RAB38: variants seen among roughly 807,000 people sequenced by gnomAD.
RAB38 encodes the protein ras-related protein Rab-38.
Under a neutral mutation model 18.4 loss-of-function variants are expected in RAB38, and 15 were observed. The observed-to-expected ratio is 0.82, with a 90% CI of 0.55 to 1.26. The LOEUF (loss-of-function observed/expected upper bound fraction) is 1.26, where lower values mean the gene tolerates loss of function less well. Among genes scored for constraint, RAB38 ranks in the 50% most tolerant of loss-of-function variants. The pLI is 0.00. For missense variants in RAB38, 294 were observed against 267.4 expected, an observed-to-expected ratio of 1.10 and a Z score of -0.69; for synonymous variants, 101 against 104.4, an observed-to-expected ratio of 0.97 and a Z score of 0.20.
the RAB38 span, among the ~76,000 whole-genome samples, chr11:87,960,984 G>A: frequency 6.6e-6 from 1 of 152,178 alleles, no homozygotes; most frequent in African/African-American, 2.4e-5. Context: ...TTCCTGAACA[G>A]AGAATTCACA....
chr11:88,134,762 G>T (rs1482097940), intron 2 of RAB38, among the ~76,000 whole-genome samples: 1 of 152,046 alleles, frequency 6.6e-6, no homozygotes, highest in African/African-American at 2.4e-5. Flanking sequence ...TATAATTCAG[G>T]TTCAACAAAA....
chr11:88,041,446 A>G, the RAB38 span, among the ~76,000 whole-genome samples: 1 of 152,258 alleles, frequency 6.6e-6, no homozygotes, highest in East Asian at 1.9e-4. Context: ...TATATCAATT[A>G]CAATAAGTTT....
chr11:88,130,513 G>A (rs1942753668), intron 2 of RAB38, among the ~76,000 whole-genome samples: 1 of 152,226 alleles, frequency 6.6e-6, no homozygotes, highest in Non-Finnish European at 1.5e-5. Flanking sequence ...CACAGAGAAT[G>A]GAGATATAAA....
At chr11:88,074,408 G>C in the RAB38 span, among the ~76,000 whole-genome samples, 1 of 152,136 alleles carries the variant, frequency 6.6e-6, no homozygotes, top group Non-Finnish European at 1.5e-5. Context: ...GGGAAATGGA[G>C]TTACAGAGTT....
At chr11:88,112,590 C>A (rs1436645510), downstream of RAB38, among the ~76,000 whole-genome samples, 1 of 152,088 alleles carries the variant, frequency 6.6e-6, no homozygotes, top group Non-Finnish European at 1.5e-5. Flanking sequence ...ATAGCAGGAT[C>A]CTGATAAACC....
chr11:87,915,176 G>A, the RAB38 span, among the ~76,000 whole-genome samples: 1 of 152,136 alleles, frequency 6.6e-6, no homozygotes, highest in Non-Finnish European at 1.5e-5. Context: ...TATGACAGCA[G>A]GCATGTGAGC....
chr11:87,907,111 T>C, the RAB38 span, among the ~76,000 whole-genome samples: 1 of 152,040 alleles, frequency 6.6e-6, no homozygotes, highest in African/African-American at 2.4e-5. Context: ...TAGTTATGTA[T>C]GGTATGACAT....
the RAB38 span, among the ~76,000 whole-genome samples, chr11:87,976,547 T>C: frequency 1.0e-4 from 13 of 127,040 alleles, no homozygotes; most frequent in African/African-American, 3.5e-4. Flanking sequence ...ATTTATATTT[T>C]ATATATACTT....
At chr11:88,116,947 A>G (rs1942562391) in intron 2 of RAB38, among the ~76,000 whole-genome samples, 1 of 152,200 alleles carries the variant, frequency 6.6e-6, no homozygotes, top group Admixed American at 6.5e-5. Context: ...CATTATGAGA[A>G]AAAGAACTGA....
At chr11:88,019,185 C>T in the RAB38 span, among the ~76,000 whole-genome samples, 1 of 152,088 alleles carries the variant, frequency 6.6e-6, no homozygotes, top group Non-Finnish European at 1.5e-5. Flanking sequence ...ACAGGTAACT[C>T]AGTTTTTAAA....
intron 2 of RAB38, among the ~76,000 whole-genome samples, chr11:88,124,892 C>T (rs1019539549): frequency 6.6e-6 from 1 of 152,164 alleles, no homozygotes; most frequent in East Asian, 1.9e-4. Context: ...ATGGACCAGG[C>T]ACTATTCATC....
chr11:87,898,241 TA>T, the RAB38 span, among the ~76,000 whole-genome samples: 1 of 151,542 alleles, frequency 6.6e-6, no homozygotes, highest in Admixed American at 6.6e-5. Flanking sequence ...TCAAAGGCAT[TA>T]CTCTTCTATC....
chr11:88,035,883 A>G, the RAB38 span, among the ~76,000 whole-genome samples: 1 of 151,858 alleles, frequency 6.6e-6, no homozygotes, highest in Non-Finnish European at 1.5e-5. Context: ...TTTTGGGATC[A>G]TGGCTCCTTA....
intron 1 of RAB38, chr11:88,166,194 C>T (rs1212898605): frequency 1.3e-5 from 2 of 152,018 alleles, no homozygotes; most frequent in Non-Finnish European, 2.9e-5. Context: ...ATTTAGACCT[C>T]ATCATGGAGG....
At chr11:87,970,497 G>A in the RAB38 span, among the ~76,000 whole-genome samples, 12 of 151,982 alleles carry the variant, frequency 7.9e-5, no homozygotes, top group African/African-American at 2.9e-4. Flanking sequence ...TTGTGCCCGA[G>A]TGCCTCACAT....
the RAB38 span, among the ~76,000 whole-genome samples, chr11:87,810,793 A>G: frequency 8.5e-6 from 1 of 117,248 alleles, no homozygotes; most frequent in Non-Finnish European, 1.7e-5. Context: ...CAACAGCACA[A>G]TGAATAGAAG....
the RAB38 span, among the ~76,000 whole-genome samples, chr11:87,877,774 T>C: frequency 6.6e-6 from 1 of 151,530 alleles, no homozygotes; most frequent in African/African-American, 2.4e-5. Context: ...TAAAGCAGTA[T>C]CATTTTCATG....
the RAB38 span, among the ~76,000 whole-genome samples, chr11:88,023,296 C>G: frequency 6.6e-6 from 1 of 150,904 alleles, no homozygotes; most frequent in Non-Finnish European, 1.5e-5. Context: ...AATGTTTTTC[C>G]ATTTATAATA....
intron 1 of RAB38, among the ~76,000 whole-genome samples, chr11:88,155,604 G>A (rs1943116030): frequency 6.6e-6 from 1 of 152,136 alleles, no homozygotes; most frequent in African/African-American, 2.4e-5. Flanking sequence ...AAAGGAAAAA[G>A]CACAAAAATC....
Sources: allele counts gnomAD v4.1 joint callset (sites outside exome capture counted in the v4.1 genomes callset), GRCh38; gene constraint gnomAD v4.1.1; transcripts MANE v1.5; gene names NCBI Gene and HGNC (gene_info 2026-07-23, HGNC 2026-07-21).